GPN3: variants seen among roughly 807,000 people sequenced by gnomAD.
GPN3 encodes ATP-binding domain 1 family member C.
GPN3 carries 31 observed loss-of-function variants against 38.7 expected under a neutral mutation model. The observed-to-expected ratio is 0.80, with a 90% CI of 0.60 to 1.08. The LOEUF (loss-of-function observed/expected upper bound fraction) is 1.08. GPN3 is among the 50% of genes least tolerant of loss of function. The probability of loss-of-function intolerance (pLI) is 0.00; values close to 1 mark genes in which losing one functional copy is unlikely to be tolerated. For missense variants in GPN3, 301 were observed against 354.4 expected (o/e 0.85, Z 1.21); for synonymous variants, 116 against 120.2 (o/e 0.96, Z 0.23).
chr12:110,462,027 G>A (rs1258698629), intron 2 of GPN3, among the ~76,000 whole-genome samples: 1 of 152,070 alleles, frequency 6.6e-6, no homozygotes, highest in Non-Finnish European at 1.5e-5. Flanking sequence ...TTGACTTGTA[G>A]AGATGGGGTT....
intron 2 of GPN3, chr12:110,460,895 C>G (rs1424932084): frequency 2.9e-6 from 2 of 687,722 alleles, no homozygotes; most frequent in East Asian, 5.3e-5. Flanking sequence ...ACCCAGCAGG[C>G]AGAGGTTGCA....
chr12:110,465,894 T>C (rs1350698466), intron 1 of GPN3, among the ~76,000 whole-genome samples: 2 of 152,112 alleles, frequency 1.3e-5, no homozygotes, highest in African/African-American at 2.4e-5. Context: ...CTGGCCGACA[T>C]GGTGAAACCT....
At position 110,457,061 on chromosome 12, in the gene GPN3, T is replaced by C. The variant is rs75746909; in HGVS notation, c.450+449A>G. 5.8e-3 allele frequency among the ~76,000 whole-genome samples: 887 copies of C among 152,158 alleles called. 9 individuals are homozygous for C. The highest frequency in any genetic ancestry group is 0.02 in the African/African-American group (832 of 41,522). ...CTCTATGATATAATAATTTACTATT[T>C]TTGATTAACAACATGTTATAATTTA... On this transcript the variant is annotated intron_variant, in intron 4 of 7. Transcript: ENST00000228827.
rs950520547 is a variant in GPN3 at position 110,465,189 on chromosome 12, T to C, written c.74A>G (p.Gln25Arg). The C allele has an allele frequency of 1.2e-6, 2 of 1,607,682 alleles. No individual in the cohort carries two copies. Among genetic ancestry groups the C allele is most frequent in the Non-Finnish European group, 1.7e-6 (2 of 1,173,990 alleles). Residue 25 changes from glutamine (Q) to arginine (R), a missense_variant, in exon 2 of 8, where the codon CAG (glutamine) becomes CGG (arginine). By Grantham distance (43) the Gln-to-Arg change is conservative (BLOSUM62 1). Coordinates refer to ENST00000228827, the MANE Select transcript of GPN3 (RefSeq NM_016301.4). ...GKSTYCATMV[Q>R]HCEALNRSVQ... ...AGACCGGTTGAGGGCTTCACAGTGCTGGACCATGGTGGCACAGTAGGTGCT... is the reference window on the plus strand; with the variant it reads ...AGACCGGTTGAGGGCTTCACAGTGCCGGACCATGGTGGCACAGTAGGTGCT...
At chr12:110,454,822 C>G (rs2062538508) in intron 6 of GPN3, among the ~76,000 whole-genome samples, 1 of 151,408 alleles carries the variant, frequency 6.6e-6, no homozygotes, top group African/African-American at 2.4e-5. Context: ...AGCACCATGC[C>G]TGGCTTTTTT....
At chr12:110,457,954 C>G (rs2062561861) in intron 3 of GPN3, among the ~76,000 whole-genome samples, 1 of 151,444 alleles carries the variant, frequency 6.6e-6, no homozygotes, top group African/African-American at 2.4e-5. Flanking sequence ...ATAGTGAAAC[C>G]CCATCTCTAC....
intron 4 of GPN3, 135 bp downstream of exon 4, chr12:110,457,375 C>T: frequency 1.9e-6 from 1 of 529,932 alleles, no homozygotes; most frequent in Non-Finnish European, 2.9e-6. Flanking sequence ...ATCACTTGAA[C>T]TGGGAGGCGG....
chr12:110,462,506 T>G (rs1328260897), intron 2 of GPN3, among the ~76,000 whole-genome samples: 1 of 152,226 alleles, frequency 6.6e-6, no homozygotes, highest in African/African-American at 2.4e-5. Flanking sequence ...ATTGAATCTG[T>G]CTGCTTCCTT....
At chr12:110,467,771 C>T (rs2062645226) in intron 1 of GPN3, among the ~76,000 whole-genome samples, 1 of 152,226 alleles carries the variant, frequency 6.6e-6, no homozygotes, top group African/African-American at 2.4e-5. Flanking sequence ...ACTTTACCCT[C>T]CTGGGAGCGA....
intron 2 of GPN3, among the ~76,000 whole-genome samples, chr12:110,460,113 A>G (rs2062576745): frequency 6.6e-6 from 1 of 152,228 alleles, no homozygotes; most frequent in Admixed American, 6.5e-5. Context: ...TAATAATACA[A>G]TCTCCTAGGT....
At chr12:110,463,388 T>C (rs2062604696) in intron 2 of GPN3, among the ~76,000 whole-genome samples, 1 of 150,420 alleles carries the variant, frequency 6.6e-6, no homozygotes, top group African/African-American at 2.5e-5. Flanking sequence ...AGGTTGAGAC[T>C]GCAATGAGCT....
intron 3 of GPN3, among the ~76,000 whole-genome samples, chr12:110,459,476 G>A (rs1383745026): frequency 6.6e-6 from 1 of 152,080 alleles, no homozygotes; most frequent in Non-Finnish European, 1.5e-5. Flanking sequence ...TCCTGACCTC[G>A]TGATCCACCT....
Position 110,459,806 on chromosome 12 carries a change from C to T in GPN3, c.214G>A (p.Gly72Ser), listed in dbSNP as rs2062574526. ...DVMEDDSLRF[G>S]PNGGLVFCME... ...CAAAATACCAATCCTCCGTTGGGACCGAATCGCAGAGAATCATCCTCCATT... is the reference window on the plus strand; with the variant it reads ...CAAAATACCAATCCTCCGTTGGGACTGAATCGCAGAGAATCATCCTCCATT... Residue 72 changes from glycine to serine, a missense_variant, in exon 3 of 8, where the codon GGT (glycine) becomes AGT (serine). By Grantham distance (56) the Gly-to-Ser change is moderately conservative. Coordinates refer to ENST00000228827, the MANE Select transcript of GPN3 (RefSeq NM_016301.4). 19 of 1,613,702 alleles carry T rather than the reference C, an allele frequency of 1.2e-5. No homozygotes were observed. Among genetic ancestry groups the T allele is most frequent in the South Asian group, 4.4e-5 (4 of 91,082 alleles).
At chr12:110,466,256 G>A (rs980902644) in intron 1 of GPN3, among the ~76,000 whole-genome samples, 1 of 152,120 alleles carries the variant, frequency 6.6e-6, no homozygotes, top group African/African-American at 2.4e-5. Context: ...CAAGGGCACG[G>A]ATTTTGTGTG....
rs370660398 is a variant in GPN3, at chr12:110,455,606, T to A, written c.643A>T (p.Thr215Ser). The change falls in exon 6 of 8, where the codon ACT (threonine) becomes TCT (serine). Residue 215 changes from threonine (T) to serine (S), a missense_variant. Thr to Ser is a moderately conservative substitution (Grantham distance 58). Transcript: ENST00000228827. Reference sequence around the variant, plus strand: ...CTTACCAGTCCACATATAGCTTTAGTCAGTTTCTTGAATTTTTTGCTTCTT... The same window carrying A: ...CTTACCAGTCCACATATAGCTTTAGACAGTTTCTTGAATTTTTTGCTTCTT... The part of the protein sequence containing the change: ...DLRSKKFKKL[T>S]KAICGLIDDY... The A allele has an allele frequency of 1.4e-6, 2 of 1,438,384 alleles. No individual in the cohort carries two copies. Among genetic ancestry groups the A allele is most frequent in the African/African-American group, 2.8e-5 (2 of 71,234 alleles). 89.1% of individuals were successfully genotyped at this position (1,438,384 alleles called of 1,614,324 possible).
chr12:110,468,214 G>C lies in GPN3; in HGVS notation c.-11C>G. 1 of 1,589,028 alleles carries C rather than the reference G, an allele frequency of 6.3e-7. No homozygotes were observed. The highest frequency in any genetic ancestry group is 8.5e-7 in the Non-Finnish European group (1 of 1,172,356). On this transcript the variant is annotated 5_prime_UTR_variant, in exon 1 of 8. Coordinates refer to ENST00000228827, the MANE Select transcript of GPN3 (RefSeq NM_016301.4). ...CGCATACCGAGGCATGTTGGCTCCCGGAGCCGCCCGCCACACTCCCTTAGC... is the reference window on the plus strand; with the variant it reads ...CGCATACCGAGGCATGTTGGCTCCCCGAGCCGCCCGCCACACTCCCTTAGC...
At chr12:110,457,810 T>G (rs1566302979) in intron 3 of GPN3, among the ~76,000 whole-genome samples, 176 bp from the exon 4 acceptor site, 1 of 152,132 alleles carries the variant, frequency 6.6e-6, no homozygotes, top group Non-Finnish European at 1.5e-5. Flanking sequence ...TAGGAATCCC[T>G]AACTATTAAG....
intron 4 of GPN3, among the ~76,000 whole-genome samples, chr12:110,456,540 T>G (rs915402819): frequency 6.6e-6 from 1 of 152,080 alleles, no homozygotes; most frequent in African/African-American, 2.4e-5. Flanking sequence ...GCATTTTAAT[T>G]TCCTTTCCCA....
At chr12:110,464,545 G>A (rs2062613193) in intron 2 of GPN3, among the ~76,000 whole-genome samples, 1 of 150,282 alleles carries the variant, frequency 6.7e-6, no homozygotes, top group African/African-American at 2.4e-5. Flanking sequence ...CAGGACTAAG[G>A]ACAAAAGGGA....
Sources: gnomAD v4.1 joint callset for allele counts (sites outside exome capture counted in the v4.1 genomes callset) on GRCh38, gnomAD v4.1.1 for gene constraint, MANE v1.5 for transcripts, NCBI Gene and HGNC (gene_info 2026-07-23, HGNC 2026-07-21) for gene names.